Variants in TBL1Y observed in about 807,000 individuals in gnomAD.
TBL1Y encodes transducin beta like 1 Y-linked, also known as F-box-like/WD repeat-containing protein TBL1Y.
TBL1Y carries 15 observed loss-of-function variants against 12.0 expected under a neutral mutation model. That is an observed-to-expected ratio of 1.25 (90% CI 0.83 to 1.92). The LOEUF is 1.92. TBL1Y is among the 40% of genes most tolerant of loss of function. The pLI is 0.00. For missense variants in TBL1Y, 148 were observed against 116.7 expected, an observed-to-expected ratio of 1.27 and a Z score of -1.24; for synonymous variants, 53 against 42.6, an observed-to-expected ratio of 1.24 and a Z score of -0.95.
intron 7 of TBL1Y, among the ~76,000 whole-genome samples, chrY:7,045,661 G>C (rs747728736): frequency 5.9e-5 from 2 of 33,703 alleles, no homozygotes; most frequent in East Asian, 1.6e-3. Context: ...TAATGGCCAG[G>C]GGTGCTGTCT....
At chrY:6,927,837 G>A (rs1603025879) in intron 2 of TBL1Y, among the ~76,000 whole-genome samples, 2 of 32,748 alleles carry the variant, frequency 6.1e-5, no homozygotes, top group East Asian at 1.6e-3. Context: ...CACGTATTTC[G>A]TCTGTTGTGG....
At chrY:7,063,619 C>G in intron 7 of TBL1Y, among the ~76,000 whole-genome samples, 1 of 32,574 alleles carries the variant, frequency 3.1e-5, no homozygotes, top group Non-Finnish European at 7.5e-5. Flanking sequence ...TGGAATGAGT[C>G]AGGGTAGAGT....
intron 2 of TBL1Y, among the ~76,000 whole-genome samples, chrY:6,969,739 C>T (rs2012194881): frequency 3.1e-5 from 1 of 32,116 alleles, no homozygotes; most frequent in Admixed American, 2.9e-4. Flanking sequence ...TTCTGTTTAC[C>T]AACATTTGTT....
chrY:7,039,112 G>A (rs2012709590), intron 6 of TBL1Y, among the ~76,000 whole-genome samples: 1 of 33,564 alleles, frequency 3.0e-5, no homozygotes, highest in East Asian at 8.1e-4. Context: ...GCTGGCCCTG[G>A]AAGAGAAGCA....
chrY:6,994,741 A>T (rs968453538), intron 3 of TBL1Y, among the ~76,000 whole-genome samples: 6 of 33,645 alleles, frequency 1.8e-4, no homozygotes, highest in Non-Finnish European at 4.4e-4. Flanking sequence ...ACACTCTCAC[A>T]GCACATGGAG....
chrY:7,009,590 G>T, intron 4 of TBL1Y, among the ~76,000 whole-genome samples: 1 of 33,614 alleles, frequency 3.0e-5, no homozygotes, highest in Non-Finnish European at 7.3e-5. Context: ...AAGATACTAA[G>T]TGTTGATCTG....
intron 9 of TBL1Y, 83 bp downstream of exon 9, chrY:7,070,411 G>A: frequency 1.2e-5 from 4 of 321,020 alleles, no homozygotes; most frequent in South Asian, 7.5e-5. Context: ...CTTGAGGAAC[G>A]TGCACTCCAC....
intron 6 of TBL1Y, among the ~76,000 whole-genome samples, chrY:7,038,007 C>T: frequency 3.0e-5 from 1 of 33,794 alleles, no homozygotes; most frequent in African/African-American, 1.2e-4. Context: ...ATGAATCAAG[C>T]CAACATTAAC....
At chrY:6,953,080 C>A (rs758620748) in intron 2 of TBL1Y, among the ~76,000 whole-genome samples, 1 of 33,596 alleles carries the variant, frequency 3.0e-5, no homozygotes, top group African/African-American at 1.2e-4. Context: ...TTGTGGGTAA[C>A]CCGACCTTTT....
chrY:6,927,506 T>G, intron 2 of TBL1Y, among the ~76,000 whole-genome samples: 1 of 33,840 alleles, frequency 3.0e-5, no homozygotes, highest in African/African-American at 1.2e-4. Flanking sequence ...ATTACAGGTG[T>G]GAGGCACTGC....
chrY:6,972,388 C>G, intron 2 of TBL1Y, among the ~76,000 whole-genome samples: 3 of 33,659 alleles, frequency 8.9e-5, no homozygotes, highest in Non-Finnish European at 2.2e-4. Context: ...AGCAACATAA[C>G]TGTCTTGGGA....
chrY:6,943,680 C>A, intron 2 of TBL1Y, among the ~76,000 whole-genome samples: 1 of 33,678 alleles, frequency 3.0e-5, no homozygotes, highest in Non-Finnish European at 7.4e-5. Context: ...CCACAAAAAC[C>A]AAGCAACCAA....
chrY:7,014,357 G>A (rs2124146967), intron 4 of TBL1Y, among the ~76,000 whole-genome samples: 5 of 31,782 alleles, frequency 1.6e-4, no homozygotes, highest in Admixed American at 1.2e-3. Flanking sequence ...TGGTTGTTTC[G>A]TGAGTCCTCC....
chrY:7,026,250 A>G (rs767499837), intron 6 of TBL1Y, among the ~76,000 whole-genome samples: 1 of 34,026 alleles, frequency 2.9e-5, no homozygotes, highest in African/African-American at 1.1e-4. Context: ...TTCTGCATAT[A>G]TATCAGATAC....
chrY:7,047,738 TTTTG>T (rs2012767425), intron 7 of TBL1Y, among the ~76,000 whole-genome samples: 1 of 31,567 alleles, frequency 3.2e-5, no homozygotes, highest in African/African-American at 1.3e-4. Context: ...GATATTTGAT[TTTTG>T]TTTGTTTGTT....
Position 7,086,429 on chromosome Y carries a change from C to A in TBL1Y, c.1280+12C>A, listed in dbSNP as rs35623864. ...ATCATGTTGGCAAGGTAAGGGCCGG[C>A]AGCACAACTGGTACAGCTCCGCCCT... On this transcript the variant is annotated intron_variant, in intron 16 of 18. Transcript: ENST00000383032. 1.6e-5 allele frequency: 6 copies of A among 377,379 alleles called. No individual in the cohort carries two copies. The African/African-American group carries it at 4.0e-4, about 25-fold the overall frequency. The allele number at this position is 377,379 out of a possible 400,897, so 94.1% of individuals were successfully genotyped here. A position where few individuals can be genotyped will look rare whatever the true frequency, so the allele number is the denominator to read the frequency against.
At chrY:7,050,043 G>T in intron 7 of TBL1Y, among the ~76,000 whole-genome samples, 2 of 33,665 alleles carry the variant, frequency 5.9e-5, no homozygotes, top group East Asian at 1.5e-3. Context: ...TTCCAGAGAA[G>T]ATAAACAGTG....
chrY:7,060,151 T>C, intron 7 of TBL1Y, among the ~76,000 whole-genome samples: 1 of 33,706 alleles, frequency 3.0e-5, no homozygotes, highest in Non-Finnish European at 7.3e-5. Context: ...ACAAAATATA[T>C]ATATTTTTAC....
At chrY:7,022,283 A>G in intron 5 of TBL1Y, among the ~76,000 whole-genome samples, 1 of 31,502 alleles carries the variant, frequency 3.2e-5, no homozygotes, top group South Asian at 7.3e-4. Flanking sequence ...GAAATTTGGT[A>G]ACTTGAAAGC....
Sources: gnomAD v4.1 joint callset for allele counts (sites outside exome capture counted in the v4.1 genomes callset) on GRCh38, gnomAD v4.1.1 for gene constraint, MANE v1.5 for transcripts, NCBI Gene and HGNC (gene_info 2026-07-23, HGNC 2026-07-21) for gene names.